The following JPH3 variants were observed in gnomAD, a reference collection of about 807,000 sequenced individuals.
JPH3 encodes junctophilin 3, also known as junctophilin-3.
A neutral mutation model predicts 59.6 loss-of-function variants in JPH3; 11 were observed. That is an observed-to-expected ratio of 0.18 (90% confidence interval 0.12 to 0.31). The LOEUF (loss-of-function observed/expected upper bound fraction) is 0.31. JPH3 is among the 10% of genes least tolerant of loss of function. The pLI, the probability that JPH3 is intolerant of heterozygous loss-of-function variation, is 1.00. For missense variants in JPH3, 1,202 were observed against 1,105.7 expected (o/e 1.09, Z -1.24); for synonymous variants, 673 against 483.6 (o/e 1.39, Z -5.14).
At chr16:87,604,756 C>T in intron 1 of JPH3, 1 of 838,664 alleles carries the variant, frequency 1.2e-6, no homozygotes. Flanking sequence ...TTGGCTTATG[C>T]AACTGAAAAG....
intron 1 of JPH3, chr16:87,604,304 T>C: frequency 6.8e-7 from 1 of 1,461,586 alleles, no homozygotes; most frequent in Non-Finnish European, 9.1e-7. Context: ...CTGCTGCTGC[T>C]GCTGCTGCTG....
At chr16:87,682,380 G>A (rs2033317644) in intron 2 of JPH3, among the ~76,000 whole-genome samples, 1 of 152,126 alleles carries the variant, frequency 6.6e-6, no homozygotes, top group South Asian at 2.1e-4. Context: ...AGGTGTTTGC[G>A]CCCCCTAGGT....
chr16:87,695,553 G>A (rs1034111010), intron 4 of JPH3: 4 of 454,872 alleles, frequency 8.8e-6, no homozygotes, highest in African/African-American at 6.0e-5. Context: ...AGAGGCAGGG[G>A]CAAGTGTCCT....
At chr16:87,659,379 A>AAAAAAAAAAAAAAAAAAAAAC in intron 2 of JPH3, among the ~76,000 whole-genome samples, 1 of 129,586 alleles carries the variant, frequency 7.7e-6, no homozygotes, top group Non-Finnish European at 1.7e-5. Context: ...TGTCTCAAAA[A>AAAAAAAAAAAAAAAAAAAAAC]AAAAAAAGAA....
rs560218309 is a variant in JPH3, at chr16:87,661,257, A to C, written c.1160+16222A>C. Among the ~76,000 whole-genome samples, 5 of 152,180 alleles carry C rather than the reference A, an allele frequency of 3.3e-5. No individual in the cohort carries two copies. The South Asian group carries it at 1.0e-3, about 32-fold the overall frequency. On this transcript the variant is annotated intron_variant, in intron 2 of 4. Coordinates refer to ENST00000284262, the MANE Select transcript of JPH3 (RefSeq NM_020655.4). Reference sequence around the variant, plus strand: ...GTGGTTCGGGGTCATCTGATTATCCACCCAGATAATCCAGGGTCATCTCTC... The same window carrying C: ...GTGGTTCGGGGTCATCTGATTATCCCCCCAGATAATCCAGGGTCATCTCTC...
intron 3 of JPH3, among the ~76,000 whole-genome samples, chr16:87,689,350 C>T (rs564970027): frequency 6.6e-6 from 1 of 152,196 alleles, no homozygotes; most frequent in Non-Finnish European, 1.5e-5. Context: ...CGTCCTCACG[C>T]ACTTTCCGAG....
In JPH3 at chr16:87,644,745, C is replaced by G. The variant is rs144950183; in HGVS notation, c.870C>G (p.Gly290=). The G allele has an allele frequency of 5.0e-6, 8 of 1,612,936 alleles. No individual in the cohort carries two copies. Among genetic ancestry groups the G allele is most frequent in the African/African-American group, 4.0e-5 (3 of 74,872 alleles). ...CCACCACCACCGAGACCTACGTGGG[C>G]GAGTGGAAGAACGACAAACGCTCCG... The part of the protein sequence containing the change: ...IDATTTETYV[G]EWKNDKRSGF... Residue 290 remains glycine, a synonymous_variant, in exon 2 of 5, where the codon GGC becomes GGG. Transcript: ENST00000284262.
intron 2 of JPH3, among the ~76,000 whole-genome samples, chr16:87,677,225 C>CAAA (rs59575544): frequency 6.1e-5 from 5 of 81,642 alleles, no homozygotes; most frequent in African/African-American, 1.7e-4. Context: ...CACACACACA[C>CAAA]AAAAAAAAAA....
intron 1 of JPH3, among the ~76,000 whole-genome samples, chr16:87,608,569 G>A (rs1864153): frequency 0.39 from 59,492 of 151,934 alleles, 12,235 homozygotes; most frequent in Non-Finnish European, 0.44. Context: ...AGGAGAGGAG[G>A]AGAGAAGAGA....
chr16:87,632,015 C>CT (rs1015758061), intron 1 of JPH3, among the ~76,000 whole-genome samples: 10 of 152,212 alleles, frequency 6.6e-5, no homozygotes, highest in Admixed American at 2.0e-4. Context: ...AAGTTTTGGT[C>CT]TTTTTTGTCC....
chr16:87,637,422 TTGTGTGTG>T (rs35239550), intron 1 of JPH3, among the ~76,000 whole-genome samples: 1 of 147,502 alleles, frequency 6.8e-6, no homozygotes, highest in Non-Finnish European at 1.5e-5. Flanking sequence ...GTGTGTGTGT[TTGTGTGTG>T]TGTGTGTGTG....
intron 2 of JPH3, among the ~76,000 whole-genome samples, chr16:87,677,158 TACAC>T (rs1257368124): frequency 2.9e-5 from 4 of 139,178 alleles, no homozygotes; most frequent in East Asian, 2.1e-4. Flanking sequence ...GACTCCATTA[TACAC>T]ACACACACGC....
chr16:87,618,586 T>C (rs2031058845), intron 1 of JPH3, among the ~76,000 whole-genome samples: 1 of 152,194 alleles, frequency 6.6e-6, no homozygotes, highest in African/African-American at 2.4e-5. Context: ...TTTTTCCACC[T>C]GGCCACACTG....
rs1375277376 is a variant in JPH3 at position 87,611,580 on chromosome 16, C to A, written c.382+8052C>A. Among the ~76,000 whole-genome samples the A allele has an allele frequency of 6.6e-6, 1 of 152,054 alleles. No individual in the cohort carries two copies. Among genetic ancestry groups the A allele is most frequent in the African/African-American group, 2.4e-5 (1 of 41,374 alleles). On this transcript the variant is annotated intron_variant, in intron 1 of 4. Coordinates refer to ENST00000284262, the MANE Select transcript of JPH3 (RefSeq NM_020655.4). The surrounding 1 kb of genome is among the most constrained non-coding windows in gnomAD (Gnocchi z 4.5). ...TGGTGCAAATGCTTTCCAAAAACAC[C>A]GAGAGTCGCTCTCTCTGCTGCTGGT...
chr16:87,649,694 T>C (rs2032268377), intron 2 of JPH3, among the ~76,000 whole-genome samples: 1 of 152,176 alleles, frequency 6.6e-6, no homozygotes, highest in Non-Finnish European at 1.5e-5. Flanking sequence ...GAAGCCGAGC[T>C]GGGGGCGATG....
chr16:87,649,481 C>G (rs1453314178), intron 2 of JPH3, among the ~76,000 whole-genome samples: 1 of 152,198 alleles, frequency 6.6e-6, no homozygotes, highest in Admixed American at 6.5e-5. Context: ...AGATGAAACT[C>G]AATTGCTGTC....
Position 87,644,937 on chromosome 16 carries a change from G to A in JPH3, c.1062G>A (p.Leu354=), listed in dbSNP as rs772774074. The change falls in exon 2 of 5, where the codon CTG becomes CTA. Residue 354 remains leucine (L), a synonymous_variant. Coordinates refer to ENST00000284262, the MANE Select transcript of JPH3 (RefSeq NM_020655.4). ...GCAAGCGCAAGAACCTCATCCCCCT[G>A]CGGGCCAGCAAGATCCGCGAGAAGG... ...VGGKRKNLIP[L]RASKIREKVD... is the part of the protein sequence containing the mutation. 10 of 1,612,432 alleles carry A rather than the reference G, an allele frequency of 6.2e-6. No homozygotes were observed. In the Admixed American group the frequency reaches 8.3e-5, roughly 13 times the overall value.
chr16:87,671,226 A>G (rs112891377), intron 2 of JPH3, among the ~76,000 whole-genome samples: 5 of 152,098 alleles, frequency 3.3e-5, no homozygotes, highest in South Asian at 2.1e-4. Context: ...GACTCCTAGC[A>G]TGCTCTCACC....
intron 1 of JPH3, among the ~76,000 whole-genome samples, chr16:87,618,245 A>G (rs1176312023): frequency 6.6e-6 from 1 of 152,192 alleles, no homozygotes; most frequent in Non-Finnish European, 1.5e-5. Flanking sequence ...GGGAGGGGAG[A>G]AATGCACAGG....
Sources: gnomAD v4.1 joint callset for allele counts (sites outside exome capture counted in the v4.1 genomes callset) on GRCh38, gnomAD v4.1.1 for gene constraint, Gnocchi (gnomAD v3.1) non-coding constraint, MANE v1.5 for transcripts, NCBI Gene and HGNC (gene_info 2026-07-23, HGNC 2026-07-21) for gene names.